The following PAX5 variants were observed in gnomAD, a reference collection of about 807,000 sequenced individuals.
PAX5 encodes the protein paired box 5.
A neutral mutation model predicts 43.7 loss-of-function variants in PAX5; 9 were observed. The observed-to-expected ratio is 0.21, with a 90% CI of 0.12 to 0.36. The LOEUF (loss-of-function observed/expected upper bound fraction) is 0.36, where lower values mean the gene tolerates loss of function less well. Among genes scored for constraint, PAX5 ranks in the 10% least tolerant of loss-of-function variants. The probability of loss-of-function intolerance (pLI) is 1.00; values close to 1 mark genes in which losing one functional copy is unlikely to be tolerated. For synonymous variants in PAX5, 228 were observed against 214.3 expected (o/e 1.06, Z -0.56); for missense variants, 383 against 532.7 (o/e 0.72, Z 2.77).
chr9:36,890,892 A>G (rs1430873423), intron 7 of PAX5, among the ~76,000 whole-genome samples: 1 of 152,216 alleles, frequency 6.6e-6, no homozygotes, highest in Non-Finnish European at 1.5e-5. Flanking sequence ...TAATCCCAGA[A>G]CTTTGGGAGG....
At chr9:36,928,258 C>T (rs922608168) in intron 6 of PAX5, among the ~76,000 whole-genome samples, 1 of 152,228 alleles carries the variant, frequency 6.6e-6, no homozygotes, top group African/African-American at 2.4e-5. Context: ...ACCACAGCTC[C>T]TCAGCCATTC....
chr9:36,863,672 T>G (rs1436007825), intron 8 of PAX5, among the ~76,000 whole-genome samples: 1 of 152,188 alleles, frequency 6.6e-6, no homozygotes, highest in Admixed American at 6.5e-5. Flanking sequence ...GTACTATCAC[T>G]TGGGCAAGTT....
intron 8 of PAX5, among the ~76,000 whole-genome samples, chr9:36,851,813 T>C (rs965887987): frequency 6.6e-6 from 1 of 152,170 alleles, no homozygotes; most frequent in Non-Finnish European, 1.5e-5. Context: ...CCCCCTTCTC[T>C]AGCTGCTGTT....
intron 6 of PAX5, among the ~76,000 whole-genome samples, chr9:36,960,668 G>A (rs1564012256): frequency 1.3e-5 from 2 of 152,158 alleles, no homozygotes; most frequent in African/African-American, 4.8e-5. Context: ...CGGGCTCTGG[G>A]ACACACTGCC....
intron 7 of PAX5, among the ~76,000 whole-genome samples, chr9:36,911,998 C>T (rs1829333651): frequency 1.3e-5 from 2 of 152,228 alleles, no homozygotes; most frequent in African/African-American, 4.8e-5. Context: ...GATGTCCCTG[C>T]TTCCAATGAT....
chr9:36,933,500 G>A (rs1831296622), intron 6 of PAX5, among the ~76,000 whole-genome samples: 1 of 152,212 alleles, frequency 6.6e-6, no homozygotes, highest in Non-Finnish European at 1.5e-5. Context: ...GACAGATGCA[G>A]AACTAGAGCT....
chr9:36,952,642 T>C (rs1218313198), intron 6 of PAX5, among the ~76,000 whole-genome samples: 3 of 152,194 alleles, frequency 2.0e-5, no homozygotes, highest in Non-Finnish European at 4.4e-5. Context: ...ATTATATTTC[T>C]TTTTTTAAGT....
chr9:36,933,631 T>C (rs1831309964), intron 6 of PAX5, among the ~76,000 whole-genome samples: 1 of 152,152 alleles, frequency 6.6e-6, no homozygotes. Context: ...CACTCCTCCA[T>C]GAAGGGCCCT....
intron 6 of PAX5, among the ~76,000 whole-genome samples, chr9:36,931,177 C>T (rs753518381): frequency 1.2e-4 from 18 of 152,218 alleles, no homozygotes; most frequent in Non-Finnish European, 2.4e-4. Context: ...GGACCAGACA[C>T]CTGCCCACCT....
chr9:36,904,491 T>A (rs1484045550), intron 7 of PAX5, among the ~76,000 whole-genome samples: 1 of 152,102 alleles, frequency 6.6e-6, no homozygotes, highest in East Asian at 1.9e-4. Context: ...ACAACCTTAC[T>A]AAACATTTAT....
chr9:36,981,163 A>C (rs1588138818), intron 5 of PAX5, among the ~76,000 whole-genome samples: 2 of 133,306 alleles, frequency 1.5e-5, no homozygotes, highest in Non-Finnish European at 1.6e-5. Context: ...CATCAGTAGG[A>C]CCACCCTCCA....
At chr9:36,990,708 C>A (rs1452972808) in intron 5 of PAX5, among the ~76,000 whole-genome samples, 1 of 152,238 alleles carries the variant, frequency 6.6e-6, no homozygotes, top group Non-Finnish European at 1.5e-5. Flanking sequence ...GATGCAGTGA[C>A]CTTGAGCAAA....
At chr9:36,955,847 T>C (rs1010711277) in intron 6 of PAX5, among the ~76,000 whole-genome samples, 2 of 151,648 alleles carry the variant, frequency 1.3e-5, no homozygotes, top group Non-Finnish European at 2.9e-5. Flanking sequence ...TTATATTTGA[T>C]CCAATTGTTT....
intron 5 of PAX5, among the ~76,000 whole-genome samples, chr9:36,989,596 G>A (rs1323493602): frequency 2.0e-5 from 3 of 152,218 alleles, no homozygotes; most frequent in African/African-American, 7.2e-5. Context: ...GCTTAGGTAT[G>A]GCAGGCAGAA....
intron 8 of PAX5, among the ~76,000 whole-genome samples, chr9:36,880,292 C>T (rs940799710): frequency 6.6e-6 from 1 of 152,258 alleles, no homozygotes; most frequent in East Asian, 1.9e-4. Context: ...CACATCCAAG[C>T]TCCGTCCACA....
At chr9:36,932,251 C>T (rs553771635) in intron 6 of PAX5, among the ~76,000 whole-genome samples, 13 of 152,166 alleles carry the variant, frequency 8.5e-5, no homozygotes, top group East Asian at 5.8e-4. Flanking sequence ...CCAGTCTGGG[C>T]GACCTTGTCT....
At chr9:36,900,375 G>A (rs1204648991) in intron 7 of PAX5, among the ~76,000 whole-genome samples, 2 of 152,200 alleles carry the variant, frequency 1.3e-5, no homozygotes, top group South Asian at 2.1e-4. Context: ...GCGTCCACAG[G>A]CGACAGCATG....
intron 1 of PAX5, among the ~76,000 whole-genome samples, chr9:37,033,760 G>A (rs1490459337): frequency 2.0e-5 from 3 of 152,210 alleles, no homozygotes; most frequent in East Asian, 1.9e-4. Context: ...GGACGCCAGC[G>A]TGAACATTCA....
intron 1 of PAX5, 25 bp downstream of exon 1, chr9:37,033,961 T>A: frequency 6.2e-7 from 1 of 1,610,280 alleles, no homozygotes; most frequent in Non-Finnish European, 8.5e-7. Context: ...AGTTTGCACA[T>A]CTGGAGCCCG....
Sources: gnomAD v4.1 joint callset for allele counts (sites outside exome capture counted in the v4.1 genomes callset) on GRCh38, gnomAD v4.1.1 for gene constraint, MANE v1.5 for transcripts, NCBI Gene and HGNC (gene_info 2026-07-23, HGNC 2026-07-21) for gene names.